Variants in DNM3 observed in about 807,000 individuals in gnomAD.
DNM3 encodes the protein dynamin-3.
In DNM3, 47 loss-of-function variants were observed where a neutral mutation model predicts 101.6. The ratio of observed to expected loss-of-function variants is 0.46; its 90% confidence interval spans 0.37 to 0.59. DNM3 has a LOEUF of 0.59. Among genes scored for constraint, DNM3 ranks in the 20% least tolerant of loss-of-function variants. The pLI, the probability that DNM3 is intolerant of heterozygous loss-of-function variation, is 0.00. For synonymous variants in DNM3, 385 were observed against 387.9 expected (o/e 0.99, Z 0.09); for missense variants, 849 against 1,085.7 (o/e 0.78, Z 3.06).
chr1:172,042,362 A>C lies in DNM3; in HGVS notation c.1128+218A>C, dbSNP rs533884797. Among the ~76,000 whole-genome samples the C allele has an allele frequency of 1.2e-4, 19 of 152,292 alleles. 1 individual carries two copies. In the South Asian group the frequency reaches 3.5e-3, roughly 28 times the overall value. ...AACTACATTTCAAACACAAATACTA[A>C]TTGAGTTTCCTAGTTTGTTGTCTAA... On this transcript the variant is annotated intron_variant, in intron 8 of 20. Transcript: ENST00000627582.
intron 15 of DNM3, among the ~76,000 whole-genome samples, chr1:172,265,505 T>C (rs1386491680): frequency 6.6e-6 from 1 of 152,166 alleles, no homozygotes; most frequent in African/African-American, 2.4e-5. Flanking sequence ...GCATCATAGA[T>C]ATCTGGGGAG....
At chr1:172,233,298 G>C (rs2061409235) in intron 14 of DNM3, among the ~76,000 whole-genome samples, 1 of 152,112 alleles carries the variant, frequency 6.6e-6, no homozygotes, top group East Asian at 1.9e-4. Context: ...AGAAGAAATG[G>C]ATAAATTCCT....
intron 17 of DNM3, among the ~76,000 whole-genome samples, chr1:172,355,999 A>C (rs1384344407): frequency 6.6e-6 from 1 of 152,120 alleles, no homozygotes; most frequent in Non-Finnish European, 1.5e-5. Context: ...AAAGAACAAC[A>C]GTTCAGACTT....
At chr1:172,300,563 A>C (rs919419212) in intron 15 of DNM3, among the ~76,000 whole-genome samples, 4 of 152,210 alleles carry the variant, frequency 2.6e-5, no homozygotes, top group Non-Finnish European at 4.4e-5. Flanking sequence ...GCAATGGGGA[A>C]AGGACTCCCT....
intron 14 of DNM3, among the ~76,000 whole-genome samples, chr1:172,214,920 A>G (rs1368952842): frequency 6.6e-6 from 1 of 152,132 alleles, no homozygotes; most frequent in Admixed American, 6.6e-5. Context: ...AAACAGATCT[A>G]TGGTGTAAAG....
intron 14 of DNM3, among the ~76,000 whole-genome samples, chr1:172,224,598 TG>T (rs1449776060): frequency 6.6e-6 from 1 of 152,150 alleles, no homozygotes; most frequent in African/African-American, 2.4e-5. Flanking sequence ...TTCAGTGACT[TG>T]GAAATTCTCT....
chr1:172,289,613 T>C, intron 15 of DNM3: 1 of 972,848 alleles, frequency 1.0e-6, no homozygotes, highest in Non-Finnish European at 1.2e-6. Flanking sequence ...TTTGCTTCGT[T>C]TTATAATTTT....
intron 4 of DNM3, among the ~76,000 whole-genome samples, chr1:172,020,615 T>A (rs866135673): frequency 7.4e-5 from 11 of 148,814 alleles, no homozygotes; most frequent in South Asian, 6.3e-4. Flanking sequence ...TCCCAGCTAC[T>A]CGGGAGGCTG....
chr1:172,122,403 T>G (rs928766399), intron 13 of DNM3, among the ~76,000 whole-genome samples: 1 of 152,158 alleles, frequency 6.6e-6, no homozygotes, highest in Non-Finnish European at 1.5e-5. Context: ...ATGTTACCTA[T>G]GAAGAAATTG....
At chr1:172,376,870 T>C (rs981630441) in intron 17 of DNM3, among the ~76,000 whole-genome samples, 10 of 152,080 alleles carry the variant, frequency 6.6e-5, no homozygotes, top group Non-Finnish European at 1.3e-4. Flanking sequence ...TGTTTTCTAA[T>C]TGCATCTGGT....
chr1:172,203,393 G>C (rs1190823198), intron 14 of DNM3, among the ~76,000 whole-genome samples: 1 of 152,142 alleles, frequency 6.6e-6, no homozygotes, highest in Non-Finnish European at 1.5e-5. Flanking sequence ...ACAAACCCGG[G>C]TCGCAGAGTG....
intron 16 of DNM3, chr1:172,310,174 T>G (rs1165141438): frequency 6.6e-6 from 1 of 152,232 alleles, no homozygotes; most frequent in Non-Finnish European, 1.5e-5. Flanking sequence ...AACATCAGAG[T>G]ACCACTTTTA....
At chr1:172,249,490 C>T (rs947540280) in intron 14 of DNM3, among the ~76,000 whole-genome samples, 1 of 152,116 alleles carries the variant, frequency 6.6e-6, no homozygotes, top group African/African-American at 2.4e-5. Context: ...CATGTTCCCT[C>T]TCTCTTTGAA....
At chr1:172,314,490 A>C (rs1023173188) in intron 16 of DNM3, among the ~76,000 whole-genome samples, 8 of 152,186 alleles carry the variant, frequency 5.3e-5, no homozygotes, top group African/African-American at 1.7e-4. Flanking sequence ...TGGTCAAGGA[A>C]AGGGGTGACA....
chr1:172,384,043 A>G (rs1418386682), intron 18 of DNM3, among the ~76,000 whole-genome samples: 2 of 152,136 alleles, frequency 1.3e-5, no homozygotes, highest in African/African-American at 2.4e-5. Flanking sequence ...AGAATTCTTG[A>G]TTTAAATATT....
At position 172,335,470 on chromosome 1, in the gene DNM3, T is replaced by C. The variant is rs187221436; in HGVS notation, c.1893+12130T>C. 2.0e-3 allele frequency among the ~76,000 whole-genome samples: 305 copies of C among 152,294 alleles called. 1 individual carries two copies. Among genetic ancestry groups the C allele is most frequent in the African/African-American group, 6.8e-3 (283 of 41,564 alleles). On this transcript the variant is annotated intron_variant, in intron 17 of 20. Transcript: ENST00000627582. ...AGCATAAAATGTATAATATTATTTA[T>C]AGAATACAAGACACATGCTTTCATA...
intron 7 of DNM3, 108 bp from the exon 8 acceptor site, chr1:172,041,901 C>G: frequency 7.7e-7 from 1 of 1,291,844 alleles, no homozygotes; most frequent in Non-Finnish European, 1.0e-6. Context: ...GTAGGTGCCA[C>G]TAAGAGCACC....
intron 4 of DNM3, among the ~76,000 whole-genome samples, chr1:171,990,060 A>G (rs1469272502): frequency 6.6e-6 from 1 of 152,064 alleles, no homozygotes; most frequent in Non-Finnish European, 1.5e-5. Context: ...CCAAAAGCAT[A>G]TTTTTACTTT....
At chr1:172,062,749 A>G (rs533763250) in intron 10 of DNM3, among the ~76,000 whole-genome samples, 3 of 152,320 alleles carry the variant, frequency 2.0e-5, no homozygotes, top group African/African-American at 7.2e-5. Flanking sequence ...TAACCCCTGT[A>G]CAACTTAGAA....
Sources: allele counts gnomAD v4.1 joint callset (sites outside exome capture counted in the v4.1 genomes callset), GRCh38; gene constraint gnomAD v4.1.1; transcripts MANE v1.5; gene names NCBI Gene and HGNC (gene_info 2026-07-23, HGNC 2026-07-21).